Variants in GGA3 observed in about 807,000 individuals in gnomAD.
GGA3 encodes the protein golgi associated, gamma adaptin ear containing, ARF binding protein 3.
GGA3 carries 57 observed loss-of-function variants against 77.5 expected under a neutral mutation model. That is an observed-to-expected ratio of 0.74 (90% CI 0.59 to 0.92). GGA3 has a LOEUF of 0.92. Among genes scored for constraint, GGA3 ranks in the 40% least tolerant of loss-of-function variants. GGA3 has a pLI of 0.00. For synonymous variants in GGA3, 416 were observed against 383.7 expected (o/e 1.08, Z -0.98); for missense variants, 970 against 914.9 (o/e 1.06, Z -0.78).
intron 1 of GGA3, among the ~76,000 whole-genome samples, chr17:75,251,818 CAA>C (rs1483566796): frequency 1.3e-5 from 2 of 148,542 alleles, no homozygotes; most frequent in Non-Finnish European, 3.0e-5. Flanking sequence ...GTCACTCAGG[CAA>C]GAGTGCAGTG....
chr17:75,250,594 C>G (rs1224743879), intron 1 of GGA3, among the ~76,000 whole-genome samples: 3 of 151,568 alleles, frequency 2.0e-5, no homozygotes, highest in Admixed American at 2.0e-4. Context: ...GAAATCCTGT[C>G]TCTACTAAAA....
Position 75,246,815 on chromosome 17 carries a change from A to C in GGA3, c.41-19T>G. On this transcript the variant is annotated intron_variant, in intron 1 of 16. Coordinates refer to ENST00000537686, the MANE Select transcript of GGA3 (RefSeq NM_138619.4). ...GCTTTATCTTGCAACACAACAAAGA[A>C]GAGGACAAGTGTTAGGAAGAGCAAT... 1 of 1,587,462 alleles carries C rather than the reference A, an allele frequency of 6.3e-7. No homozygotes were observed. The highest frequency in any genetic ancestry group is 8.6e-7 in the Non-Finnish European group (1 of 1,162,052).
At chr17:75,249,617 A>C (rs2076891210) in intron 1 of GGA3, among the ~76,000 whole-genome samples, 1 of 152,208 alleles carries the variant, frequency 6.6e-6, no homozygotes, top group Admixed American at 6.5e-5. Flanking sequence ...AAGTTCTCAC[A>C]TAACACCAAA....
intron 1 of GGA3, among the ~76,000 whole-genome samples, chr17:75,253,407 T>C (rs1378025078): frequency 1.3e-5 from 2 of 152,248 alleles, no homozygotes; most frequent in African/African-American, 4.8e-5. Context: ...TGTTTAATCA[T>C]TGCAGGGACA....
chr17:75,244,876 T>G (rs920366792), intron 3 of GGA3, among the ~76,000 whole-genome samples, 159 bp from the exon 4 acceptor site: 1 of 152,002 alleles, frequency 6.6e-6, no homozygotes, highest in Admixed American at 6.6e-5. Flanking sequence ...ACAGTGTAAT[T>G]AAGCAACGAG....
rs776061109 is a variant in GGA3 at position 75,243,259 on chromosome 17, C to G, written c.425-93G>C. ...AGGGCCACGTCCCTGTGATCAAGACCTGCAAAGGGTAGCAGGGTGGAGGGC... is the reference window on the plus strand; with the variant it reads ...AGGGCCACGTCCCTGTGATCAAGACGTGCAAAGGGTAGCAGGGTGGAGGGC... On this transcript the variant is annotated intron_variant, in intron 5 of 16. Coordinates refer to ENST00000537686, the MANE Select transcript of GGA3 (RefSeq NM_138619.4). 14 of 1,159,570 alleles carry G rather than the reference C, an allele frequency of 1.2e-5. No homozygotes were observed. The African/African-American group carries it at 2.2e-4, about 18-fold the overall frequency. 71.8% of individuals were successfully genotyped at this position (1,159,570 alleles called of 1,614,324 possible). A position where few individuals can be genotyped will look rare whatever the true frequency, so the allele number is the denominator to read the frequency against.
At position 75,237,189 on chromosome 17, in the gene GGA3, G is replaced by A. The variant is rs1197318189; in HGVS notation, c.*1090C>T. 5.6e-6 allele frequency: 3 copies of A among 537,528 alleles called. No homozygotes were observed. The highest frequency in any genetic ancestry group is 1.9e-5 in the African/African-American group (1 of 52,836). The allele number at this position is 537,528 out of a possible 1,614,324, so 33.3% of individuals were successfully genotyped here. ...AGCACTGTTGAAGCAATAGGGTCTG[G>A]TGACTCAGCTCAAGTGTGGCCCGAT... On this transcript the variant is annotated 3_prime_UTR_variant, in exon 17 of 17. Coordinates refer to ENST00000537686, the MANE Select transcript of GGA3 (RefSeq NM_138619.4).
chr17:75,241,578 TGC>T, intron 9 of GGA3, 35 bp downstream of exon 9: 2 of 1,607,184 alleles, frequency 1.2e-6, no homozygotes, highest in Non-Finnish European at 1.7e-6. Flanking sequence ...CATATCCAAA[TGC>T]CTGGCTTATC....
rs765002892 is a variant in GGA3, at chr17:75,239,438, G to A, written c.1717C>T (p.Pro573Ser). The A allele has an allele frequency of 6.3e-7, 1 of 1,578,804 alleles. No individual in the cohort carries two copies. The highest frequency in any genetic ancestry group is 2.2e-5 in the East Asian group (1 of 44,712). The part of the protein sequence containing the change: ...QPLSFQSQGS[P>S]PKGPELSLAS... The stretch of plus-strand genomic sequence containing the variant: ...AGGGAGAGCTCAGGCCCCTTCGGGG[G>A]GCTGCCCTGGGACTGGAAACTCAGT... Residue 573 changes from proline (P) to serine (S), a missense_variant, in exon 14 of 17, where the codon CCC becomes TCC. Pro to Ser is a moderately conservative substitution (Grantham distance 74). Transcript: ENST00000537686.
rs758778494 is a variant in GGA3 at position 75,243,428 on chromosome 17, C to T, written c.424+19G>A. The T allele has an allele frequency of 1.1e-5, 17 of 1,613,454 alleles. No individual in the cohort carries two copies. The highest frequency in any genetic ancestry group is 1.7e-5 in the Admixed American group (1 of 59,944). Reference sequence around the variant, plus strand: ...GCCTTCGAGGGCTGCCTGGAGGCTGCGGGCAGGCAGACACGTACCCTGTCT... The same window carrying T: ...GCCTTCGAGGGCTGCCTGGAGGCTGTGGGCAGGCAGACACGTACCCTGTCT... On this transcript the variant is annotated intron_variant, in intron 5 of 16. Coordinates refer to ENST00000537686, the MANE Select transcript of GGA3 (RefSeq NM_138619.4).
chr17:75,246,917 A>G (rs1244140618), intron 1 of GGA3, 121 bp from the exon 2 acceptor site: 6 of 722,564 alleles, frequency 8.3e-6, no homozygotes, highest in Non-Finnish European at 1.2e-5. Flanking sequence ...CTAATAGAGA[A>G]GCCTCAGTAG....
At chr17:75,259,583 A>G (rs1480181914) in intron 1 of GGA3, among the ~76,000 whole-genome samples, 3 of 152,126 alleles carry the variant, frequency 2.0e-5, no homozygotes, top group Non-Finnish European at 4.4e-5. Context: ...CAACAGTGGA[A>G]TGATTTGATT....
chr17:75,261,942 C>T, upstream of GGA3: 1 of 1,608,600 alleles, frequency 6.2e-7, no homozygotes, highest in South Asian at 1.1e-5. Context: ...GATGGTCGGG[C>T]CTGGCGTTGG....
chr17:75,238,871 G>A, intron 15 of GGA3, 43 bp downstream of exon 15: 1 of 1,606,368 alleles, frequency 6.2e-7, no homozygotes. Flanking sequence ...CTACACAACA[G>A]GGTCAAGATA....
intron 1 of GGA3, among the ~76,000 whole-genome samples, chr17:75,255,363 T>C (rs1276738991): frequency 6.6e-6 from 1 of 152,146 alleles, no homozygotes; most frequent in African/African-American, 2.4e-5. Context: ...AATTATCTGC[T>C]TCCCTGACTA....
At chr17:75,257,984 G>A (rs1184925677) in intron 1 of GGA3, among the ~76,000 whole-genome samples, 1 of 152,132 alleles carries the variant, frequency 6.6e-6, no homozygotes, top group African/African-American at 2.4e-5. Context: ...TTCCACCATT[G>A]TGATTTGTTT....
chr17:75,249,265 A>T (rs1312438938), intron 1 of GGA3, among the ~76,000 whole-genome samples: 1 of 151,968 alleles, frequency 6.6e-6, no homozygotes, highest in Non-Finnish European at 1.5e-5. Flanking sequence ...AGGCCTCCTG[A>T]CCTCAGGTAA....
chr17:75,259,059 T>C (rs941893027), intron 1 of GGA3, among the ~76,000 whole-genome samples: 19 of 151,006 alleles, frequency 1.3e-4, no homozygotes, highest in Admixed American at 1.3e-3. Flanking sequence ...GTTCACACCA[T>C]TCTCCTGCCT....
chr17:75,238,468 T>G, intron 16 of GGA3, 79 bp from the exon 17 acceptor site: 1 of 1,268,746 alleles, frequency 7.9e-7, no homozygotes, highest in East Asian at 2.4e-5. Context: ...ACCCTCTCTG[T>G]GCTAGAGGAA....
Sources: gnomAD v4.1 joint callset for allele counts (sites outside exome capture counted in the v4.1 genomes callset) on GRCh38, gnomAD v4.1.1 for gene constraint, MANE v1.5 for transcripts, NCBI Gene and HGNC (gene_info 2026-07-23, HGNC 2026-07-21) for gene names.